Variants in CCDC148 observed in about 807,000 individuals in gnomAD.
CCDC148 encodes the protein coiled-coil domain containing 148.
A neutral mutation model predicts 85.7 loss-of-function variants in CCDC148; 89 were observed. The ratio of observed to expected loss-of-function variants is 1.04; its 90% confidence interval spans 0.87 to 1.24. CCDC148 has a LOEUF of 1.24. Ranked by LOEUF, CCDC148 falls within the 50% of genes most tolerant of loss-of-function variation. CCDC148 has a pLI of 0.00. For synonymous variants in CCDC148, 230 were observed against 213.9 expected (o/e 1.08, Z -0.66); for missense variants, 692 against 671.7 (o/e 1.03, Z -0.33).
intron 12 of CCDC148, among the ~76,000 whole-genome samples, chr2:158,178,527 C>T (rs370649230): frequency 1.3e-5 from 2 of 152,216 alleles, no homozygotes; most frequent in South Asian, 2.1e-4. Context: ...TTATCTTGCT[C>T]GAACTCCACC....
rs59843380 is a variant in CCDC148, at chr2:158,185,365, C to T, written c.1371-6369G>A. 5.2e-3 allele frequency among the ~76,000 whole-genome samples: 790 copies of T among 152,222 alleles called. 2 individuals carry two copies. The highest frequency in any genetic ancestry group is 0.018 in the African/African-American group (761 of 41,542). On this transcript the variant is annotated intron_variant, in intron 11 of 13. Transcript: ENST00000283233. ...GGCTACTGGCCGATATTTAAAGGGT[C>T]TATTCAGTAAAATCAAAGGAAGAGG... is the stretch of plus-strand genomic sequence containing the variant.
At chr2:158,320,557 A>G (rs1386603994) in intron 7 of CCDC148, among the ~76,000 whole-genome samples, 1 of 152,222 alleles carries the variant, frequency 6.6e-6, no homozygotes, top group Non-Finnish European at 1.5e-5. Flanking sequence ...TTAAAATTTG[A>G]CAATCTTGTC....
intron 7 of CCDC148, among the ~76,000 whole-genome samples, chr2:158,316,893 A>C (rs1165676970): frequency 9.9e-5 from 15 of 152,226 alleles, no homozygotes; most frequent in Admixed American, 9.8e-4. Context: ...TGAACTTCTA[A>C]AATAAAATCA....
intron 1 of CCDC148, among the ~76,000 whole-genome samples, chr2:158,374,454 C>T (rs774567920): frequency 1.3e-5 from 2 of 151,912 alleles, no homozygotes; most frequent in Admixed American, 6.6e-5. Context: ...CACTATGATA[C>T]ATACCATATG....
intron 1 of CCDC148, among the ~76,000 whole-genome samples, chr2:158,372,106 G>A (rs1335695747): frequency 6.6e-6 from 1 of 152,030 alleles, no homozygotes; most frequent in African/African-American, 2.4e-5. Flanking sequence ...CACAGAGAGT[G>A]AAGGTAACTG....
At chr2:158,245,733 G>A (rs1416887176) in intron 10 of CCDC148, among the ~76,000 whole-genome samples, 2 of 152,046 alleles carry the variant, frequency 1.3e-5, no homozygotes, top group Admixed American at 1.3e-4. Context: ...GGGTGGTATG[G>A]GAACCAATAT....
chr2:158,431,486 T>TTC (rs1687347541), intron 1 of CCDC148, among the ~76,000 whole-genome samples: 1 of 145,530 alleles, frequency 6.9e-6, no homozygotes, highest in Non-Finnish European at 1.5e-5. Context: ...AAAGGTGTTT[T>TTC]TTAAAAAAAA....
chr2:158,191,391 T>C (rs1685415678), intron 11 of CCDC148, among the ~76,000 whole-genome samples: 1 of 152,064 alleles, frequency 6.6e-6, no homozygotes, highest in African/African-American at 2.4e-5. Flanking sequence ...TCTTTCAGCC[T>C]AGGAAATGAT....
intron 1 of CCDC148, among the ~76,000 whole-genome samples, chr2:158,377,834 A>G (rs1401922872): frequency 6.6e-6 from 1 of 152,106 alleles, no homozygotes; most frequent in Non-Finnish European, 1.5e-5. Context: ...AACTGCATGC[A>G]CATAAGAAAG....
At chr2:158,183,149 A>G (rs1326646099) in intron 11 of CCDC148, among the ~76,000 whole-genome samples, 1 of 151,780 alleles carries the variant, frequency 6.6e-6, no homozygotes, top group East Asian at 1.9e-4. Flanking sequence ...GGGGGAGGAG[A>G]AGCATCATAT....
At chr2:158,442,552 C>T (rs979389954) in intron 1 of CCDC148, among the ~76,000 whole-genome samples, 1 of 152,200 alleles carries the variant, frequency 6.6e-6, no homozygotes, top group Non-Finnish European at 1.5e-5. Flanking sequence ...TTATGCCAGT[C>T]TTCCTCTTCT....
At chr2:158,363,686 G>T (rs1308474311) in intron 1 of CCDC148, among the ~76,000 whole-genome samples, 3 of 152,136 alleles carry the variant, frequency 2.0e-5, no homozygotes, top group African/African-American at 7.2e-5. Context: ...AGCTATTTAT[G>T]ATAAACCCAC....
At chr2:158,294,542 T>C (rs1691077880) in intron 9 of CCDC148, among the ~76,000 whole-genome samples, 1 of 152,020 alleles carries the variant, frequency 6.6e-6, no homozygotes, top group South Asian at 2.1e-4. Context: ...CAAAATCGTA[T>C]AAAGAACTGC....
intron 1 of CCDC148, among the ~76,000 whole-genome samples, chr2:158,407,620 T>A (rs1686081569): frequency 6.6e-6 from 1 of 152,226 alleles, no homozygotes; most frequent in South Asian, 2.1e-4. Flanking sequence ...CAGTACAGCA[T>A]CCGGCAAGAA....
intron 9 of CCDC148, among the ~76,000 whole-genome samples, chr2:158,276,464 A>G (rs966173933): frequency 3.3e-5 from 5 of 151,940 alleles, no homozygotes; most frequent in African/African-American, 1.2e-4. Flanking sequence ...AAACAAACAA[A>G]AAAACTGCCT....
chr2:158,280,985 G>A (rs1370163014), intron 9 of CCDC148, among the ~76,000 whole-genome samples: 1 of 152,094 alleles, frequency 6.6e-6, no homozygotes, highest in Non-Finnish European at 1.5e-5. Context: ...ACTCAAAACT[G>A]CTCAACTACA....
At chr2:158,326,729 G>C (rs911955556) in intron 7 of CCDC148, among the ~76,000 whole-genome samples, 2 of 151,840 alleles carry the variant, frequency 1.3e-5, no homozygotes, top group African/African-American at 2.4e-5. Context: ...ATACTCATAT[G>C]GTTCAAAATT....
intron 11 of CCDC148, among the ~76,000 whole-genome samples, chr2:158,181,649 A>C (rs564579184): frequency 2.0e-5 from 3 of 152,142 alleles, no homozygotes; most frequent in African/African-American, 7.2e-5. Context: ...AGGAGGGGAG[A>C]GAATAGAAAG....
At chr2:158,209,510 T>C (rs12989167) in intron 11 of CCDC148, among the ~76,000 whole-genome samples, 119,981 of 152,104 alleles carry the variant, frequency 0.79, 51,368 homozygotes, top group Non-Finnish European at 0.94. Context: ...TTTGCTGCTG[T>C]GGAAGACCTG....
Sources: allele counts gnomAD v4.1 joint callset (sites outside exome capture counted in the v4.1 genomes callset), GRCh38; gene constraint gnomAD v4.1.1; transcripts MANE v1.5; gene names NCBI Gene and HGNC (gene_info 2026-07-23, HGNC 2026-07-21).